WRN: variants seen among roughly 807,000 people sequenced by gnomAD.
The protein encoded by WRN is WRN RecQ like helicase, also known as bifunctional 3'-5' exonuclease/ATP-dependent helicase WRN.
Under a neutral mutation model 180.7 loss-of-function variants are expected in WRN, and 149 were observed. The ratio of observed to expected loss-of-function variants is 0.82; its 90% CI spans 0.72 to 0.94. WRN has a LOEUF of 0.94. Among genes scored for constraint, WRN ranks in the 40% least tolerant of loss-of-function variants. The pLI, the probability that WRN is intolerant of heterozygous loss-of-function variation, is 0.00. For missense variants in WRN, 1,661 were observed against 1,700.1 expected (o/e 0.98, Z 0.40); for synonymous variants, 548 against 568.9 (o/e 0.96, Z 0.52).
intron 21 of WRN, among the ~76,000 whole-genome samples, chr8:31,122,239 C>G (rs905108868): frequency 5.9e-5 from 9 of 151,898 alleles, no homozygotes; most frequent in Non-Finnish European, 1.3e-4. Flanking sequence ...TAGGATTAAT[C>G]AGGATAAAAA....
chr8:31,041,005 T>C (rs1273792510), intron 1 of WRN, among the ~76,000 whole-genome samples: 2 of 152,130 alleles, frequency 1.3e-5, no homozygotes, highest in Non-Finnish European at 2.9e-5. Flanking sequence ...AGAGGTTGGA[T>C]GTAGGAGTAC....
At chr8:31,126,803 T>A (rs1163401389) in intron 23 of WRN, among the ~76,000 whole-genome samples, 1 of 152,126 alleles carries the variant, frequency 6.6e-6, no homozygotes, top group Non-Finnish European at 1.5e-5. Context: ...AAGCTCATTC[T>A]GTATAAAGAT....
At chr8:31,143,661 T>C in intron 28 of WRN, 38 bp downstream of exon 28, 1 of 1,422,488 alleles carries the variant, frequency 7.0e-7, no homozygotes, top group Non-Finnish European at 9.8e-7. Context: ...ATACTTGCTT[T>C]ATGAGTACTT....
chr8:31,149,985 T>A (rs1803052294), intron 30 of WRN, among the ~76,000 whole-genome samples: 1 of 152,198 alleles, frequency 6.6e-6, no homozygotes, highest in East Asian at 1.9e-4. Context: ...CTCTTAGTTG[T>A]TCCCAGTTAA....
At chr8:31,121,434 C>T (rs1801723268) in intron 21 of WRN, among the ~76,000 whole-genome samples, 1 of 151,938 alleles carries the variant, frequency 6.6e-6, no homozygotes, top group South Asian at 2.1e-4. Context: ...AAAGTACCTG[C>T]TTCCATAGAA....
At position 31,157,515 on chromosome 8, in the gene WRN, C is replaced by G. The variant is rs1432145187; in HGVS notation, c.3967C>G (p.Pro1323Ala). 9 of 1,613,966 alleles carry G rather than the reference C, an allele frequency of 5.6e-6. No homozygotes were observed. Among genetic ancestry groups the G allele is most frequent in the Non-Finnish European group, 6.8e-6 (8 of 1,180,014 alleles). The change falls in exon 33 of 35, where the codon CCT becomes GCT. Residue 1323 changes from proline to alanine, a missense_variant. By Grantham distance (27) the Pro-to-Ala change is conservative. Coordinates refer to ENST00000298139, the MANE Select transcript of WRN (RefSeq NM_000553.6). ...GATTATTGCTGATGTTATCCGAAAC[C>G]CTCCCGTCAACTCAGGTGAGAGGCA... ...QKIIADVIRN[P>A]PVNSDMSKIS...
At chr8:31,112,462 C>T (rs11574294) in intron 19 of WRN, among the ~76,000 whole-genome samples, 4,970 of 152,094 alleles carry the variant, frequency 0.033, 276 homozygotes, top group African/African-American at 0.11. Context: ...CAGTAAGTTA[C>T]GTATTATTTT....
chr8:31,091,940 G>C (rs752194258), intron 16 of WRN, 42 bp downstream of exon 16: 26 of 1,582,818 alleles, frequency 1.6e-5, no homozygotes, highest in Non-Finnish European at 1.9e-5. Context: ...TGGATTTATG[G>C]GGGTGCATAT....
chr8:31,139,486 GAGCTGTGGCCTCTTCTGTGATCAAGA>G (rs1802522517), intron 24 of WRN, among the ~76,000 whole-genome samples: 1 of 152,108 alleles, frequency 6.6e-6, no homozygotes, highest in Non-Finnish European at 1.5e-5. Flanking sequence ...TTCACCAAGG[GAGCTGTGGCCTCTTCTGTGATCAAGA>G]AGCCATCTGT....
chr8:31,168,686 A>G (rs370844481), intron 34 of WRN, among the ~76,000 whole-genome samples: 3 of 152,318 alleles, frequency 2.0e-5, no homozygotes, highest in South Asian at 4.1e-4. Flanking sequence ...TCCCTGTATG[A>G]AAAGCTGATT....
intron 12 of WRN, 64 bp downstream of exon 12, chr8:31,087,984 A>T (rs1813604262): frequency 1.9e-6 from 3 of 1,578,152 alleles, no homozygotes; most frequent in Non-Finnish European, 2.6e-6. Context: ...TTAACTTAGG[A>T]TCCAGTTTTG....
At chr8:31,155,688 TGTTGAG>T (rs1230208232) in intron 32 of WRN, among the ~76,000 whole-genome samples, 1 of 151,252 alleles carries the variant, frequency 6.6e-6, no homozygotes, top group Non-Finnish European at 1.5e-5. Context: ...TCTTTAAGGC[TGTTGAG>T]GTTTTTTGTA....
intron 1 of WRN, among the ~76,000 whole-genome samples, chr8:31,053,356 A>G (rs1468831351): frequency 6.6e-6 from 1 of 152,244 alleles, no homozygotes; most frequent in Non-Finnish European, 1.5e-5. Context: ...AAGCAGTTGT[A>G]AATTAAAACT....
intron 18 of WRN, among the ~76,000 whole-genome samples, chr8:31,101,237 T>C (rs1455022814): frequency 6.6e-6 from 1 of 152,208 alleles, no homozygotes; most frequent in Non-Finnish European, 1.5e-5. Flanking sequence ...CTCTGTTTTT[T>C]CTTTTAGTAA....
At chr8:31,136,362 T>C (rs1264409814) in intron 24 of WRN, among the ~76,000 whole-genome samples, 1 of 152,212 alleles carries the variant, frequency 6.6e-6, no homozygotes, top group African/African-American at 2.4e-5. Flanking sequence ...GTAAAAAGAC[T>C]ATTTAACCCT....
intron 1 of WRN, among the ~76,000 whole-genome samples, chr8:31,034,944 A>T (rs574691375): frequency 3.3e-5 from 5 of 152,300 alleles, no homozygotes; most frequent in African/African-American, 1.2e-4. Flanking sequence ...GCTTTAAGAG[A>T]TAATTATCCA....
At chr8:31,120,609 T>C (rs1193088578) in intron 21 of WRN, among the ~76,000 whole-genome samples, 185 bp downstream of exon 21, 2 of 151,540 alleles carry the variant, frequency 1.3e-5, no homozygotes, top group Admixed American at 1.3e-4. Flanking sequence ...ACATTTGTGG[T>C]AAGAGTTGCC....
intron 13 of WRN, among the ~76,000 whole-genome samples, chr8:31,089,337 A>G (rs1412507140): frequency 6.6e-6 from 1 of 152,040 alleles, no homozygotes; most frequent in Non-Finnish European, 1.5e-5. Flanking sequence ...AGTTCTTAAT[A>G]CAACAATTTG....
chr8:31,071,735 G>C (rs35084938), intron 7 of WRN, among the ~76,000 whole-genome samples: 1 of 152,110 alleles, frequency 6.6e-6, no homozygotes, highest in African/African-American at 2.4e-5. Flanking sequence ...GCCCACCTCA[G>C]CCTCCCAAAG....
Sources: gnomAD v4.1 joint callset for allele counts (sites outside exome capture counted in the v4.1 genomes callset) on GRCh38, gnomAD v4.1.1 for gene constraint, MANE v1.5 for transcripts, NCBI Gene and HGNC (gene_info 2026-07-23, HGNC 2026-07-21) for gene names.